The following STXBP5L variants were observed in gnomAD, a reference collection of about 807,000 sequenced individuals.
The protein encoded by STXBP5L is syntaxin-binding protein 5-like.
A neutral mutation model predicts 144.5 loss-of-function variants in STXBP5L; 65 were observed. That is an observed-to-expected ratio of 0.45 (90% CI 0.37 to 0.55). The LOEUF is 0.55. Among genes scored for constraint, STXBP5L ranks in the 20% least tolerant of loss-of-function variants. The pLI, the probability that STXBP5L is intolerant of heterozygous loss-of-function variation, is 0.00. For synonymous variants in STXBP5L, 505 were observed against 469.6 expected, an observed-to-expected ratio of 1.08 and a Z score of -0.97; for missense variants, 1,298 against 1,405.5, an observed-to-expected ratio of 0.92 and a Z score of 1.22.
chr3:121,254,584 T>C (rs977625673), intron 15 of STXBP5L, among the ~76,000 whole-genome samples: 3 of 152,164 alleles, frequency 2.0e-5, no homozygotes, highest in African/African-American at 7.2e-5. Context: ...TGTGCCCCAA[T>C]ATTTTTATCA....
chr3:121,077,190 C>T (rs768580416), intron 5 of STXBP5L, among the ~76,000 whole-genome samples: 24 of 152,298 alleles, frequency 1.6e-4, no homozygotes, highest in Non-Finnish European at 3.2e-4. Flanking sequence ...GAGTTTCATC[C>T]GAATCAGCAC....
At chr3:121,308,024 A>T (rs1291080663) in intron 19 of STXBP5L, among the ~76,000 whole-genome samples, 1 of 152,224 alleles carries the variant, frequency 6.6e-6, no homozygotes, top group Non-Finnish European at 1.5e-5. Flanking sequence ...GAATGGGATG[A>T]CATATTCAAA....
rs1006870342 is a variant in STXBP5L at position 121,173,070 on chromosome 3, C to T, written c.877+15443C>T. On this transcript the variant is annotated intron_variant, in intron 9 of 26. Coordinates refer to ENST00000471454, the MANE Select transcript of STXBP5L (RefSeq NM_001308330.2). ...CTGGAAACCATTCTCAGTAAACTAA[C>T]ACAAGAACAGAAAACCAAACACCGC... Among the ~76,000 whole-genome samples the T allele has an allele frequency of 1.1e-4, 16 of 152,140 alleles. 1 individual carries two copies. The highest frequency in any genetic ancestry group is 9.2e-4 in the Admixed American group (14 of 15,262).
At chr3:121,313,241 A>C (rs1484460870) in intron 19 of STXBP5L, among the ~76,000 whole-genome samples, 5 of 98,584 alleles carry the variant, frequency 5.1e-5, no homozygotes, top group Non-Finnish European at 8.0e-5. Flanking sequence ...TCCCTCCCGG[A>C]CGGGGCGGCT....
At chr3:121,330,559 C>A (rs928359482) in intron 20 of STXBP5L, among the ~76,000 whole-genome samples, 10 of 152,058 alleles carry the variant, frequency 6.6e-5, no homozygotes, top group Non-Finnish European at 1.2e-4. Context: ...AGTAGGGTAC[C>A]TTTCCTGGGT....
intron 12 of STXBP5L, among the ~76,000 whole-genome samples, chr3:121,238,152 A>T (rs2049543956): frequency 6.6e-6 from 1 of 152,196 alleles, no homozygotes. Flanking sequence ...GTTTTGTGTT[A>T]CTAAAAGGAA....
At chr3:121,107,023 G>T (rs867467522) in intron 5 of STXBP5L, among the ~76,000 whole-genome samples, 2 of 151,398 alleles carry the variant, frequency 1.3e-5, no homozygotes, top group Middle Eastern at 3.4e-3. Flanking sequence ...CATGTTTTTT[G>T]GACGCATGGA....
chr3:121,024,715 G>A (rs1945801638), intron 3 of STXBP5L, among the ~76,000 whole-genome samples: 1 of 152,092 alleles, frequency 6.6e-6, no homozygotes, highest in Non-Finnish European at 1.5e-5. Context: ...AGAGGTTGGA[G>A]AAAATTTTTC....
intron 9 of STXBP5L, among the ~76,000 whole-genome samples, chr3:121,168,580 A>G (rs2046585200): frequency 2.0e-5 from 3 of 152,228 alleles, no homozygotes; most frequent in Admixed American, 6.5e-5. Flanking sequence ...CAAGTGTAAG[A>G]CAGGATAACA....
intron 20 of STXBP5L, among the ~76,000 whole-genome samples, chr3:121,358,409 T>C (rs1033136902): frequency 1.3e-5 from 2 of 152,030 alleles, no homozygotes; most frequent in East Asian, 1.9e-4. Context: ...AGAAAACTTA[T>C]ACTCATGGTG....
chr3:121,128,532 C>A (rs139324012), intron 7 of STXBP5L, among the ~76,000 whole-genome samples: 1 of 151,840 alleles, frequency 6.6e-6, no homozygotes, highest in East Asian at 1.9e-4. Flanking sequence ...CTTTTAAGGC[C>A]CTTGTTGACA....
At chr3:121,398,933 T>C (rs1237613239) in intron 22 of STXBP5L, among the ~76,000 whole-genome samples, 1 of 152,112 alleles carries the variant, frequency 6.6e-6, no homozygotes, top group East Asian at 1.9e-4. Flanking sequence ...CTAAGAGTGG[T>C]CGCTCGAGGC....
At chr3:121,108,019 G>A (rs2043797895) in intron 5 of STXBP5L, among the ~76,000 whole-genome samples, 1 of 152,178 alleles carries the variant, frequency 6.6e-6, no homozygotes, top group South Asian at 2.1e-4. Flanking sequence ...CTGCTTGTCT[G>A]TTGTTGGTAT....
At chr3:121,007,227 GTGA>G (rs1944397500) in intron 3 of STXBP5L, among the ~76,000 whole-genome samples, 2 of 152,012 alleles carry the variant, frequency 1.3e-5, no homozygotes, top group Non-Finnish European at 2.9e-5. Flanking sequence ...TTACATTTCT[GTGA>G]TAAGCCCCCT....
At chr3:121,296,688 G>A (rs911892769) in intron 19 of STXBP5L, among the ~76,000 whole-genome samples, 1 of 151,496 alleles carries the variant, frequency 6.6e-6, no homozygotes, top group Non-Finnish European at 1.5e-5. Context: ...GGAAAGAGTG[G>A]GCTTTTGATA....
intron 5 of STXBP5L, among the ~76,000 whole-genome samples, chr3:121,091,468 A>T (rs1166149039): frequency 1.3e-5 from 2 of 152,106 alleles, no homozygotes; most frequent in African/African-American, 2.4e-5. Flanking sequence ...AATGATTGCC[A>T]TTCTAACTGG....
intron 3 of STXBP5L, among the ~76,000 whole-genome samples, chr3:120,962,673 A>G (rs1028351432): frequency 6.6e-6 from 1 of 152,140 alleles, no homozygotes; most frequent in African/African-American, 2.4e-5. Context: ...TGTTTTGCTT[A>G]CTGTAGCCTT....
intron 3 of STXBP5L, among the ~76,000 whole-genome samples, chr3:120,968,847 G>T (rs9811698): frequency 6.6e-5 from 10 of 151,804 alleles, no homozygotes; most frequent in Admixed American, 3.3e-4. Context: ...ATGGCCTCCC[G>T]CTCCATCTAA....
intron 9 of STXBP5L, among the ~76,000 whole-genome samples, chr3:121,181,161 GGGGGA>G (rs1387878184): frequency 1.3e-5 from 2 of 148,662 alleles, no homozygotes; most frequent in Non-Finnish European, 3.0e-5. Context: ...AAAGAGGGGA[GGGGGA>G]GGGGAGGGGA....
Sources: allele counts gnomAD v4.1 joint callset (sites outside exome capture counted in the v4.1 genomes callset), GRCh38; gene constraint gnomAD v4.1.1; transcripts MANE v1.5; gene names NCBI Gene and HGNC (gene_info 2026-07-23, HGNC 2026-07-21).